Variants in RTN1 observed in about 807,000 individuals in gnomAD.
RTN1 encodes the protein reticulon-1.
In RTN1, 25 loss-of-function variants were observed where a neutral mutation model predicts 65.5. The observed-to-expected ratio is 0.38, with a 90% CI of 0.28 to 0.53. The LOEUF is 0.53. Among genes scored for constraint, RTN1 ranks in the 20% least tolerant of loss-of-function variants. The pLI is 0.79. For missense variants in RTN1, 983 were observed against 1,025.4 expected, an observed-to-expected ratio of 0.96 and a Z score of 0.57; for synonymous variants, 471 against 447.6, an observed-to-expected ratio of 1.05 and a Z score of -0.66.
intron 3 of RTN1, among the ~76,000 whole-genome samples, chr14:59,615,686 A>G (rs8008377): frequency 0.27 from 41,745 of 152,172 alleles, 6,429 homozygotes; most frequent in African/African-American, 0.41. Context: ...TTAACAATGC[A>G]CGAATGCAAA....
In RTN1 at chr14:59,604,200, C is replaced by A. The variant is rs531289606; in HGVS notation, c.2113-279G>T. 6.7e-5 allele frequency: 14 copies of A among 208,568 alleles called. No individual in the cohort carries two copies. The Admixed American group carries it at 7.3e-4, about 11-fold the overall frequency. The allele number at this position is 208,568 out of a possible 1,614,324, so 12.9% of individuals were successfully genotyped here. ...CTTGACCGGTTTTTGCATAGGCCCACGAGTTAATAAAGGTTTTTACATTTT... is the reference window on the plus strand; with the variant it reads ...CTTGACCGGTTTTTGCATAGGCCCAAGAGTTAATAAAGGTTTTTACATTTT... On this transcript the variant is annotated intron_variant, in intron 5 of 8. Transcript: ENST00000267484.
chr14:59,660,393 A>C (rs1883218857), intron 3 of RTN1, among the ~76,000 whole-genome samples: 1 of 152,216 alleles, frequency 6.6e-6, no homozygotes, highest in Non-Finnish European at 1.5e-5. Flanking sequence ...AGCAGACCTA[A>C]TAGATATCTA....
At chr14:59,787,169 T>C (rs1886263609) in intron 1 of RTN1, among the ~76,000 whole-genome samples, 1 of 152,130 alleles carries the variant, frequency 6.6e-6, no homozygotes, top group Non-Finnish European at 1.5e-5. Context: ...TAAATGATGA[T>C]TTGCACTGGC....
chr14:59,662,403 A>G (rs1412462747), intron 3 of RTN1, among the ~76,000 whole-genome samples: 1 of 147,464 alleles, frequency 6.8e-6, no homozygotes, highest in Non-Finnish European at 1.5e-5. Context: ...GAGTGAGAAC[A>G]TGCGGTGTTT....
At chr14:59,685,705 TAGA>T (rs1254124261) in intron 3 of RTN1, among the ~76,000 whole-genome samples, 3 of 152,148 alleles carry the variant, frequency 2.0e-5, no homozygotes, top group Non-Finnish European at 4.4e-5. Context: ...ATTCATGAAT[TAGA>T]AGAATTAATA....
intron 2 of RTN1, among the ~76,000 whole-genome samples, chr14:59,732,059 T>C (rs1197433196): frequency 2.0e-5 from 3 of 152,212 alleles, no homozygotes; most frequent in Non-Finnish European, 4.4e-5. Flanking sequence ...TTGAGGAAGC[T>C]GCACTTGAAT....
chr14:59,725,300 C>T (rs1241831824), intron 3 of RTN1, among the ~76,000 whole-genome samples: 3 of 152,114 alleles, frequency 2.0e-5, no homozygotes, highest in Middle Eastern at 3.2e-3. Flanking sequence ...TGAACAGCAC[C>T]GTGCACACGG....
chr14:59,734,356 C>G (rs951348663), intron 2 of RTN1, among the ~76,000 whole-genome samples: 1 of 152,184 alleles, frequency 6.6e-6, no homozygotes, highest in South Asian at 2.1e-4. Context: ...ACCTTCCCAG[C>G]AAGGGCTCAG....
intron 3 of RTN1, among the ~76,000 whole-genome samples, chr14:59,650,629 C>G (rs1362463086): frequency 6.6e-6 from 1 of 152,148 alleles, no homozygotes; most frequent in East Asian, 1.9e-4. Context: ...AAGCTGAGAG[C>G]CAAATCAGGA....
chr14:59,762,232 G>C (rs1885763348), intron 1 of RTN1, among the ~76,000 whole-genome samples: 1 of 152,078 alleles, frequency 6.6e-6, no homozygotes, highest in Non-Finnish European at 1.5e-5. Context: ...TACTGGCCTG[G>C]GGTTGGACAT....
intron 1 of RTN1, among the ~76,000 whole-genome samples, chr14:59,758,636 A>AATGG: frequency 6.6e-6 from 1 of 152,088 alleles, no homozygotes; most frequent in East Asian, 1.9e-4. Context: ...TCTCCACCCC[A>AATGG]AGGGTCATGA....
chr14:59,673,189 C>G (rs1239629665), intron 3 of RTN1, among the ~76,000 whole-genome samples: 1 of 152,164 alleles, frequency 6.6e-6, no homozygotes, highest in Non-Finnish European at 1.5e-5. Context: ...TCTCTGTAGC[C>G]ACTGTGTTAC....
At chr14:59,714,836 G>A (rs1884500898) in intron 3 of RTN1, among the ~76,000 whole-genome samples, 1 of 152,152 alleles carries the variant, frequency 6.6e-6, no homozygotes, top group Non-Finnish European at 1.5e-5. Context: ...TTAGGAACTG[G>A]GCCACACAGC....
rs1165126033 is a variant in RTN1 at position 59,603,129 on chromosome 14, T to C, written c.2230-6A>G. 2 of 1,607,302 alleles carry C rather than the reference T, an allele frequency of 1.2e-6. No homozygotes were observed. Among genetic ancestry groups the C allele is most frequent in the East Asian group, 2.2e-5 (1 of 44,728 alleles). On this transcript the variant is annotated splice_polypyrimidine_tract_variant and splice_region_variant and intron_variant, in intron 7 of 8. Coordinates refer to ENST00000267484, the MANE Select transcript of RTN1 (RefSeq NM_021136.3). ...AGATATTGGTCAATCTGTGCCTACA[T>C]AAAGAAAAAAAAAATAATGAGCATA...
At chr14:59,604,632 C>G (rs557618386) in intron 5 of RTN1, 3 of 152,400 alleles carry the variant, frequency 2.0e-5, no homozygotes, top group African/African-American at 7.2e-5. Context: ...TCCTTCTGCC[C>G]TTCTTTGAAC....
At chr14:59,853,549 C>T (rs943523572) in intron 1 of RTN1, among the ~76,000 whole-genome samples, 6 of 152,134 alleles carry the variant, frequency 3.9e-5, no homozygotes, top group African/African-American at 1.2e-4. Flanking sequence ...ACTTCTACCC[C>T]GGCATTCAGT....
chr14:59,630,474 G>A, intron 3 of RTN1: 1 of 1,613,886 alleles, frequency 6.2e-7, no homozygotes, highest in Non-Finnish European at 8.5e-7. Context: ...TCCACACACA[G>A]TCCATCTTGG....
intron 3 of RTN1, among the ~76,000 whole-genome samples, chr14:59,642,458 C>G (rs1378579685): frequency 6.6e-6 from 1 of 152,086 alleles, no homozygotes; most frequent in Non-Finnish European, 1.5e-5. Context: ...TATGCTAGAC[C>G]TTCTGAAAAT....
At chr14:59,851,952 T>C (rs1428122689) in intron 1 of RTN1, among the ~76,000 whole-genome samples, 2 of 152,124 alleles carry the variant, frequency 1.3e-5, no homozygotes, top group Non-Finnish European at 2.9e-5. Flanking sequence ...TTTAAAATAC[T>C]GTACAATTTC....
Sources: gnomAD v4.1 joint callset for allele counts (sites outside exome capture counted in the v4.1 genomes callset) on GRCh38, gnomAD v4.1.1 for gene constraint, MANE v1.5 for transcripts, NCBI Gene and HGNC (gene_info 2026-07-23, HGNC 2026-07-21) for gene names.